Variants in RIN2 observed in about 807,000 individuals in gnomAD.
RIN2 encodes RAB5 interacting protein 2.
Under a neutral mutation model 78.0 loss-of-function variants are expected in RIN2, and 36 were observed. That is an observed-to-expected ratio of 0.46 (90% confidence interval 0.35 to 0.61). The LOEUF is 0.61. Among genes scored for constraint, RIN2 ranks in the 20% least tolerant of loss-of-function variants. The pLI, the probability that RIN2 is intolerant of heterozygous loss-of-function variation, is 0.00. For missense variants in RIN2, 1,087 were observed against 1,159.7 expected (o/e 0.94, Z 0.91); for synonymous variants, 466 against 466.8 (o/e 1.00, Z 0.02).
Position 19,992,148 on chromosome 20 carries a change from C to T in RIN2, c.2069-20C>T, listed in dbSNP as rs1358108324. 1.5e-5 allele frequency: 24 copies of T among 1,608,500 alleles called. No homozygotes were observed. Among genetic ancestry groups the T allele is most frequent in the Non-Finnish European group, 2.0e-5 (24 of 1,177,712 alleles). ...AAAAGTTGGTAAAAATATTCCATCT[C>T]CTTCTCTTCCTGCTCTCAGGGAGGA... is the stretch of plus-strand genomic sequence containing the variant. On this transcript the variant is annotated intron_variant, in intron 10 of 12. Transcript: ENST00000255006.
At chr20:19,909,847 C>T (rs554768109) in intron 3 of RIN2, among the ~76,000 whole-genome samples, 6 of 152,340 alleles carry the variant, frequency 3.9e-5, no homozygotes, top group African/African-American at 1.2e-4. Context: ...AGGCACTCAG[C>T]AGGCAGCCTG....
At chr20:19,876,876 A>ATT (rs1418354660) in intron 2 of RIN2, among the ~76,000 whole-genome samples, 43 of 149,314 alleles carry the variant, frequency 2.9e-4, no homozygotes, top group African/African-American at 1.0e-3. Flanking sequence ...ACTGCACTCC[A>ATT]GCCTGGGCAA....
chr20:19,813,602 TA>T (rs2035671751), intron 2 of RIN2, among the ~76,000 whole-genome samples: 1 of 141,008 alleles, frequency 7.1e-6, no homozygotes, highest in African/African-American at 2.7e-5. Flanking sequence ...TAAAACACAA[TA>T]AAAAAGTAGA....
chr20:19,847,763 T>C (rs1384150429), intron 2 of RIN2, among the ~76,000 whole-genome samples: 1 of 152,230 alleles, frequency 6.6e-6, no homozygotes, highest in East Asian at 1.9e-4. Context: ...ATTTTACCTG[T>C]CTAATCTTAC....
chr20:19,926,673 C>T (rs2040237623), intron 3 of RIN2, among the ~76,000 whole-genome samples: 1 of 152,070 alleles, frequency 6.6e-6, no homozygotes. Context: ...CTTACCACAC[C>T]TCAAGGCCAA....
intron 10 of RIN2, 66 bp downstream of exon 10, chr20:19,990,377 T>C: frequency 6.8e-7 from 1 of 1,461,320 alleles, no homozygotes; most frequent in South Asian, 1.4e-5. Context: ...GCCTCTCTCC[T>C]GTCAGGCTTT....
At chr20:19,956,897 C>A in intron 5 of RIN2, 90 bp downstream of exon 5, 2 of 1,161,002 alleles carry the variant, frequency 1.7e-6, no homozygotes, top group Non-Finnish European at 2.4e-6. Flanking sequence ...CCAGAAATTT[C>A]TTCCTAGCTT....
At chr20:19,934,980 A>AG (rs1404122561) in intron 3 of RIN2, 119 bp from the exon 4 acceptor site, 2 of 667,604 alleles carry the variant, frequency 3.0e-6, no homozygotes, top group Middle Eastern at 2.6e-4. Flanking sequence ...AAAAAAAAAA[A>AG]AAGAAATAGA....
At chr20:19,864,275 G>T (rs115087436) in intron 2 of RIN2, among the ~76,000 whole-genome samples, 1 of 152,132 alleles carries the variant, frequency 6.6e-6, no homozygotes, top group African/African-American at 2.4e-5. Flanking sequence ...GTTAACAGCT[G>T]AACTTTCATA....
At chr20:19,937,225 A>T (rs1256211731) in intron 4 of RIN2, among the ~76,000 whole-genome samples, 1 of 152,256 alleles carries the variant, frequency 6.6e-6, no homozygotes, top group African/African-American at 2.4e-5. Flanking sequence ...GGAAAAGCAT[A>T]GCTGTGGCCA....
At chr20:19,952,189 C>T (rs144557738) in intron 4 of RIN2, among the ~76,000 whole-genome samples, 1 of 152,230 alleles carries the variant, frequency 6.6e-6, no homozygotes, top group Admixed American at 6.5e-5. Context: ...CTCCATCTCA[C>T]ATATGTAGAA....
At chr20:19,967,903 C>A (rs1004781013) in intron 7 of RIN2, among the ~76,000 whole-genome samples, 3 of 152,060 alleles carry the variant, frequency 2.0e-5, no homozygotes, top group Non-Finnish European at 1.5e-5. Flanking sequence ...TTATGGCAAC[C>A]CTATAAATTA....
chr20:19,865,901 T>A (rs960671612), intron 2 of RIN2, among the ~76,000 whole-genome samples: 6 of 152,154 alleles, frequency 3.9e-5, no homozygotes, highest in Admixed American at 3.9e-4. Context: ...CCCAACCTTT[T>A]TGGCACCAGG....
At chr20:19,801,698 ATTC>A (rs2035249112) in intron 2 of RIN2, among the ~76,000 whole-genome samples, 1 of 152,090 alleles carries the variant, frequency 6.6e-6, no homozygotes, top group African/African-American at 2.4e-5. Flanking sequence ...TGTCTTTCCT[ATTC>A]TTCACCTCTT....
At chr20:19,787,219 G>A (rs865918260) in intron 1 of RIN2, among the ~76,000 whole-genome samples, 72 of 152,028 alleles carry the variant, frequency 4.7e-4, no homozygotes, top group African/African-American at 1.7e-3. Context: ...TCAGGAGTTC[G>A]AGACCAGCCT....
At chr20:19,798,737 G>C (rs2035148280) in intron 1 of RIN2, among the ~76,000 whole-genome samples, 1 of 152,092 alleles carries the variant, frequency 6.6e-6, no homozygotes, top group Non-Finnish European at 1.5e-5. Context: ...GCCCACTTCT[G>C]CCAAGAATAT....
intron 2 of RIN2, among the ~76,000 whole-genome samples, chr20:19,845,831 G>A (rs1255147389): frequency 6.6e-6 from 1 of 151,972 alleles, no homozygotes; most frequent in African/African-American, 2.4e-5. Flanking sequence ...GTATTGCCTA[G>A]GTTTTATTCT....
At chr20:19,948,446 G>C (rs2041184162) in intron 4 of RIN2, among the ~76,000 whole-genome samples, 1 of 152,126 alleles carries the variant, frequency 6.6e-6, no homozygotes, top group South Asian at 2.1e-4. Flanking sequence ...CCAGGCTGGA[G>C]TGCAGTGGCG....
chr20:19,870,967 A>G (rs2037674643), intron 2 of RIN2, among the ~76,000 whole-genome samples: 1 of 152,204 alleles, frequency 6.6e-6, no homozygotes, highest in South Asian at 2.1e-4. Flanking sequence ...CTTGCAACTA[A>G]CAAATACTGT....
Sources: gnomAD v4.1 joint callset for allele counts (sites outside exome capture counted in the v4.1 genomes callset) on GRCh38, gnomAD v4.1.1 for gene constraint, MANE v1.5 for transcripts, NCBI Gene and HGNC (gene_info 2026-07-23, HGNC 2026-07-21) for gene names.